Variants in POLR3G observed in about 807,000 individuals in gnomAD.
The protein encoded by POLR3G is RNA polymerase III subunit G.
POLR3G carries 28 observed loss-of-function variants against 30.1 expected under a neutral mutation model. That is an observed-to-expected ratio of 0.93 (90% CI 0.69 to 1.27). The LOEUF is 1.27. Ranked by LOEUF, POLR3G falls within the 50% of genes most tolerant of loss-of-function variation. The pLI is 0.00. For missense variants in POLR3G, 254 were observed against 264.6 expected (o/e 0.96, Z 0.28); for synonymous variants, 79 against 82.5 (o/e 0.96, Z 0.23).
intron 3 of POLR3G, among the ~76,000 whole-genome samples, chr5:90,489,291 G>A (rs1011741131): frequency 8.2e-5 from 12 of 146,436 alleles, no homozygotes; most frequent in African/African-American, 3.0e-4. Context: ...ATGGGATGGA[G>A]TCTCACTCTT....
chr5:90,490,051 G>C (rs1220356870), intron 3 of POLR3G, among the ~76,000 whole-genome samples: 1 of 151,962 alleles, frequency 6.6e-6, no homozygotes, highest in Non-Finnish European at 1.5e-5. Flanking sequence ...AGGTTGCAGT[G>C]AACTGAGATT....
At chr5:90,478,032 C>A (rs1204505203) in intron 1 of POLR3G, among the ~76,000 whole-genome samples, 1 of 152,172 alleles carries the variant, frequency 6.6e-6, no homozygotes, top group Non-Finnish European at 1.5e-5. Flanking sequence ...TTGTTCCCTG[C>A]CTCCAGACCC....
chr5:90,505,779 C>G (rs1256216084), intron 6 of POLR3G, among the ~76,000 whole-genome samples: 1 of 152,088 alleles, frequency 6.6e-6, no homozygotes, highest in South Asian at 2.1e-4. Flanking sequence ...GGATGACTTG[C>G]TATTATAATA....
chr5:90,481,146 C>G (rs1441560915), intron 1 of POLR3G, among the ~76,000 whole-genome samples: 1 of 151,974 alleles, frequency 6.6e-6, no homozygotes. Context: ...AAAAATTGAT[C>G]TAGATTGTGA....
chr5:90,474,101 C>T, upstream of POLR3G: 1 of 1,576,336 alleles, frequency 6.3e-7, no homozygotes, highest in African/African-American at 1.3e-5. Flanking sequence ...CCTCTCGGTC[C>T]TGCAAGAGGC....
At chr5:90,504,704 C>T (rs1752408327) in intron 6 of POLR3G, among the ~76,000 whole-genome samples, 1 of 152,094 alleles carries the variant, frequency 6.6e-6, no homozygotes, top group African/African-American at 2.4e-5. Context: ...TTCCTATTAA[C>T]TATACAACTT....
intron 3 of POLR3G, among the ~76,000 whole-genome samples, chr5:90,494,628 C>A (rs184113061): frequency 1.3e-5 from 2 of 151,944 alleles, no homozygotes; most frequent in Admixed American, 1.3e-4. Flanking sequence ...TTTGAATTTC[C>A]GTAATGATTG....
intron 6 of POLR3G, among the ~76,000 whole-genome samples, chr5:90,505,703 A>T (rs530128554): frequency 6.6e-6 from 1 of 152,342 alleles, no homozygotes; most frequent in South Asian, 2.1e-4. Flanking sequence ...TGGCAACAGG[A>T]AGTAAATAAT....
chr5:90,486,020 C>G (rs1053835438), intron 2 of POLR3G, among the ~76,000 whole-genome samples: 16 of 152,072 alleles, frequency 1.1e-4, no homozygotes, highest in African/African-American at 2.9e-4. Context: ...GTTCTCAGTT[C>G]GCACCCTATC....
chr5:90,486,205 TGTTTA>T (rs1268613293), intron 2 of POLR3G, among the ~76,000 whole-genome samples: 4 of 152,246 alleles, frequency 2.6e-5, no homozygotes, highest in African/African-American at 9.6e-5. Flanking sequence ...TTTCGCTTTA[TGTTTA>T]GTTTAGAATG....
At chr5:90,502,198 C>G in intron 6 of POLR3G, 1 of 985,334 alleles carries the variant, frequency 1.0e-6, no homozygotes, top group Non-Finnish European at 1.2e-6. Flanking sequence ...TACCACTCAC[C>G]TGGCCACTTA....
rs138769914 is a variant in POLR3G at position 90,497,284 on chromosome 5, A to G, written c.305-372A>G. Among the ~76,000 whole-genome samples, 874 of 152,268 alleles carry G rather than the reference A, an allele frequency of 5.7e-3. 5 individuals carry two copies. The highest frequency in any genetic ancestry group is 9.3e-3 in the Admixed American group (143 of 15,296). ...AAAAAATTTGTTGCATAAGAAATAT[A>G]TCAACTACAGAATATATCAACTACA... is the stretch of plus-strand genomic sequence containing the variant. On this transcript the variant is annotated intron_variant, in intron 4 of 7. Coordinates refer to ENST00000651687, the MANE Select transcript of POLR3G (RefSeq NM_006467.3).
Position 90,486,495 on chromosome 5 carries a change from C to G in POLR3G, c.117+811C>G, listed in dbSNP as rs146815121. Reference sequence around the variant, plus strand: ...AAAGGCTCTGCCCGATCTCTCCGTTCTGATGTCTCTCTGACCCTTTTTCTA... The same window carrying G: ...AAAGGCTCTGCCCGATCTCTCCGTTGTGATGTCTCTCTGACCCTTTTTCTA... On this transcript the variant is annotated intron_variant, in intron 2 of 7. Transcript: ENST00000651687. Among the ~76,000 whole-genome samples the G allele has an allele frequency of 4.9e-3, 739 of 152,336 alleles. 2 individuals are homozygous for G. Among genetic ancestry groups the G allele is most frequent in the Non-Finnish European group, 7.9e-3 (540 of 68,026 alleles).
chr5:90,500,752 G>A (rs1408794867), intron 5 of POLR3G, among the ~76,000 whole-genome samples: 6 of 151,904 alleles, frequency 3.9e-5, no homozygotes, highest in Non-Finnish European at 7.4e-5. Context: ...ATCAGTTATG[G>A]GTCATCTACC....
intron 7 of POLR3G, among the ~76,000 whole-genome samples, chr5:90,511,309 A>G (rs1232082207): frequency 1.3e-5 from 2 of 149,858 alleles, no homozygotes; most frequent in Non-Finnish European, 3.0e-5. Flanking sequence ...TCTGGCCAGT[A>G]TTGAATTTTC....
intron 5 of POLR3G, among the ~76,000 whole-genome samples, chr5:90,501,688 A>G (rs1287379313): frequency 6.6e-6 from 1 of 152,196 alleles, no homozygotes. Flanking sequence ...TCAGTCTTAA[A>G]AAAAAAAATC....
At chr5:90,504,287 G>A (rs570261989) in intron 6 of POLR3G, among the ~76,000 whole-genome samples, 2 of 152,120 alleles carry the variant, frequency 1.3e-5, no homozygotes, top group African/African-American at 2.4e-5. Flanking sequence ...TTGGCCAGGC[G>A]CCGTGGCTCA....
chr5:90,487,378 A>ATTTTTTTTTTTTTTTTTT lies in POLR3G; in HGVS notation c.118-610_118-593dup, dbSNP rs59951999. Among the ~76,000 whole-genome samples, 11 of 57,028 alleles carry ATTTTTTTTTTTTTTTTTT rather than the reference A, an allele frequency of 1.9e-4. 2 individuals carry two copies. The highest frequency in any genetic ancestry group is 7.1e-4 in the African/African-American group (9 of 12,634). The allele number at this position is 57,028 out of a possible 152,430, so 37.4% of individuals were successfully genotyped here. ...TTTTCTTTTTTTTTTTGGTACATTA[A>ATTTTTTTTTTTTTTTTTT]TTTTTTTTTTTTTTTTTTTTTTTTT... On this transcript the variant is annotated intron_variant, in intron 2 of 7. Transcript: ENST00000651687.
chr5:90,476,614 A>G (rs1750836684), intron 1 of POLR3G, among the ~76,000 whole-genome samples: 1 of 152,230 alleles, frequency 6.6e-6, no homozygotes, highest in East Asian at 1.9e-4. Context: ...CTACCAGGCC[A>G]TGAGCTCAGC....
Sources: allele counts gnomAD v4.1 joint callset (sites outside exome capture counted in the v4.1 genomes callset), GRCh38; gene constraint gnomAD v4.1.1; transcripts MANE v1.5; gene names NCBI Gene and HGNC (gene_info 2026-07-23, HGNC 2026-07-21).